Variants in EFCAB6 observed in about 807,000 individuals in gnomAD.
EFCAB6 encodes the protein EF-hand calcium-binding domain-containing protein 6.
EFCAB6 carries 156 observed loss-of-function variants against 169.8 expected under a neutral mutation model. That is an observed-to-expected ratio of 0.92 (90% CI 0.81 to 1.05). The LOEUF is 1.05. Ranked by LOEUF, EFCAB6 falls within the 50% of genes least tolerant of loss-of-function variation. EFCAB6 has a pLI of 0.00. For synonymous variants in EFCAB6, 698 were observed against 676.4 expected (o/e 1.03, Z -0.50); for missense variants, 1,800 against 1,829.1 (o/e 0.98, Z 0.29).
intron 27 of EFCAB6, among the ~76,000 whole-genome samples, chr22:43,546,872 C>CA (rs550158459): frequency 0.013 from 1,520 of 113,832 alleles, 26 homozygotes; most frequent in African/African-American, 0.042. Context: ...GACTCTGTCT[C>CA]AAAAAAAAAA....
At chr22:43,706,500 CCTT>C (rs1251363484) in intron 10 of EFCAB6, among the ~76,000 whole-genome samples, 1 of 152,330 alleles carries the variant, frequency 6.6e-6, no homozygotes, top group African/African-American at 2.4e-5. Flanking sequence ...GCAATCATGT[CCTT>C]CTTATTCTCC....
intron 8 of EFCAB6, among the ~76,000 whole-genome samples, chr22:43,717,197 G>C (rs2059360667): frequency 6.6e-6 from 1 of 152,058 alleles, no homozygotes; most frequent in South Asian, 2.1e-4. Flanking sequence ...ACACTAGATA[G>C]AGTGAAATGT....
At chr22:43,737,977 T>A (rs915033352) in intron 6 of EFCAB6, among the ~76,000 whole-genome samples, 1 of 146,854 alleles carries the variant, frequency 6.8e-6, no homozygotes, top group African/African-American at 2.5e-5. Flanking sequence ...CTCACACACA[T>A]ATATTCGCAC....
chr22:43,726,627 CAG>C (rs2059749488), intron 8 of EFCAB6, among the ~76,000 whole-genome samples: 1 of 152,196 alleles, frequency 6.6e-6, no homozygotes, highest in African/African-American at 2.4e-5. Context: ...AATTGGAAAA[CAG>C]AGTTCAGGCC....
chr22:43,602,366 T>C (rs9614452), intron 22 of EFCAB6, among the ~76,000 whole-genome samples: 32,071 of 152,246 alleles, frequency 0.21, 3,606 homozygotes, highest in African/African-American at 0.26. Context: ...GGCTTCTCTT[T>C]GGCTGTTGAA....
chr22:43,806,584 C>A (rs1278277131), intron 2 of EFCAB6, among the ~76,000 whole-genome samples: 1 of 152,126 alleles, frequency 6.6e-6, no homozygotes, highest in Non-Finnish European at 1.5e-5. Flanking sequence ...GAAGGTCATT[C>A]ATATAATTAA....
intron 17 of EFCAB6, among the ~76,000 whole-genome samples, chr22:43,641,876 T>C (rs1445442976): frequency 1.3e-5 from 2 of 152,234 alleles, no homozygotes; most frequent in Non-Finnish European, 2.9e-5. Context: ...GAGAGATTCC[T>C]GTTTATATTT....
chr22:43,712,237 T>C (rs987689386), intron 9 of EFCAB6, among the ~76,000 whole-genome samples: 1 of 152,220 alleles, frequency 6.6e-6, no homozygotes, highest in South Asian at 2.1e-4. Flanking sequence ...ATAAAAATAC[T>C]GTGAAGACGG....
intron 4 of EFCAB6, among the ~76,000 whole-genome samples, chr22:43,768,013 T>G (rs980520114): frequency 6.6e-6 from 1 of 152,236 alleles, no homozygotes; most frequent in African/African-American, 2.4e-5. Flanking sequence ...TAGATCAGTA[T>G]CCGTCATTGT....
intron 27 of EFCAB6, among the ~76,000 whole-genome samples, chr22:43,548,464 C>T (rs1284235744): frequency 7.3e-6 from 1 of 137,736 alleles, no homozygotes; most frequent in Non-Finnish European, 1.5e-5. Flanking sequence ...TGCTTGAACC[C>T]AGGAGGTAGA....
chr22:43,698,546 C>A (rs1328269787), intron 10 of EFCAB6, among the ~76,000 whole-genome samples: 1 of 152,182 alleles, frequency 6.6e-6, no homozygotes, highest in Non-Finnish European at 1.5e-5. Flanking sequence ...AATTGTCTTA[C>A]CACATACCCC....
In EFCAB6 at chr22:43,530,823, A is replaced by G; in HGVS notation, c.4375T>C (p.Phe1459Leu). Residue 1459 changes from phenylalanine (F) to leucine (L), a missense_variant, in exon 31 of 32, where the codon TTC (phenylalanine) becomes CTC (leucine). Phe to Leu is a conservative substitution (Grantham distance 22, BLOSUM62 0). Transcript: ENST00000262726. The part of the protein sequence containing the change: ...AGTGLLSVAD[F>L]RTVLRQYSIN... ...CGCAGAGCTGTGCTCACCGTCCTGA[A>G]ATCTGCGACGCTTAGCAGCCCTGTT... 6.2e-7 allele frequency: 1 copy of G among 1,613,740 alleles called. No homozygotes were observed. Among genetic ancestry groups the G allele is most frequent in the Non-Finnish European group, 8.5e-7 (1 of 1,180,034 alleles).
At chr22:43,615,637 C>A (rs796429211) in intron 21 of EFCAB6, among the ~76,000 whole-genome samples, 189 bp downstream of exon 21, 6 of 152,268 alleles carry the variant, frequency 3.9e-5, no homozygotes, top group African/African-American at 1.4e-4. Flanking sequence ...TCTTTCTAAA[C>A]CTCACTTGAC....
intron 18 of EFCAB6, 143 bp downstream of exon 18, chr22:43,634,959 T>C (rs760699051): frequency 2.7e-5 from 17 of 638,420 alleles, no homozygotes; most frequent in Non-Finnish European, 4.8e-5. Context: ...ATAAAAATGG[T>C]TGTTTGCAGC....
intron 22 of EFCAB6, among the ~76,000 whole-genome samples, chr22:43,606,119 T>C (rs2052902046): frequency 6.6e-6 from 1 of 152,210 alleles, no homozygotes; most frequent in Admixed American, 6.5e-5. Flanking sequence ...TGGACTTTTC[T>C]ATGGCCTCCA....
chr22:43,784,642 C>CACATATATATGTATACATAT, intron 2 of EFCAB6, among the ~76,000 whole-genome samples: 2 of 59,998 alleles, frequency 3.3e-5, no homozygotes. Flanking sequence ...TGTATATGTA[C>CACATATATATGTATACATAT]ACATATATAT....
intron 2 of EFCAB6, among the ~76,000 whole-genome samples, chr22:43,786,584 T>C (rs1395627832): frequency 1.3e-5 from 2 of 152,022 alleles, no homozygotes; most frequent in African/African-American, 2.4e-5. Flanking sequence ...TAGCAGGGCA[T>C]GGTGGCGGGC....
intron 26 of EFCAB6, among the ~76,000 whole-genome samples, chr22:43,574,658 A>G (rs1005224565): frequency 6.8e-6 from 1 of 147,852 alleles, no homozygotes; most frequent in Non-Finnish European, 1.5e-5. Flanking sequence ...AAAAAAAAAA[A>G]CCATAATCAT....
At chr22:43,640,216 G>A (rs768144192) in intron 17 of EFCAB6, among the ~76,000 whole-genome samples, 2 of 152,150 alleles carry the variant, frequency 1.3e-5, no homozygotes, top group Non-Finnish European at 2.9e-5. Context: ...TGGAGGTTAT[G>A]GTGTGGGGCC....
Sources: gnomAD v4.1 joint callset for allele counts (sites outside exome capture counted in the v4.1 genomes callset) on GRCh38, gnomAD v4.1.1 for gene constraint, MANE v1.5 for transcripts, NCBI Gene and HGNC (gene_info 2026-07-23, HGNC 2026-07-21) for gene names.